The following SF3A2 variants were observed in gnomAD, a reference collection of about 807,000 sequenced individuals.
SF3A2 encodes SAP 62.
A neutral mutation model predicts 31.1 loss-of-function variants in SF3A2; 5 were observed. The ratio of observed to expected loss-of-function variants is 0.16; its 90% CI spans 0.08 to 0.34. The LOEUF (loss-of-function observed/expected upper bound fraction) is 0.34. Ranked by LOEUF, SF3A2 falls within the 10% of genes least tolerant of loss-of-function variation. SF3A2 has a pLI of 1.00. For synonymous variants in SF3A2, 365 were observed against 263.7 expected, an observed-to-expected ratio of 1.38 and a Z score of -3.72; for missense variants, 577 against 643.9, an observed-to-expected ratio of 0.90 and a Z score of 1.13.
At chr19:2,244,459 A>G (rs2024915389) in intron 2 of SF3A2, 85 bp from the exon 3 acceptor site, 1 of 1,074,436 alleles carries the variant, frequency 9.3e-7, no homozygotes, top group Non-Finnish European at 1.4e-6. Flanking sequence ...CCATGCCTCT[A>G]CAGAAAGGGG....
rs550468471 is a variant in SF3A2, at chr19:2,244,019, G to T, written c.126+475G>T. Reference sequence around the variant, plus strand: ...TTCCAGATGAGGTCATGGGTAGAGGGGGTGCCACAGCCGCAGATGGTGGAG... The same window carrying T: ...TTCCAGATGAGGTCATGGGTAGAGGTGGTGCCACAGCCGCAGATGGTGGAG... On this transcript the variant is annotated intron_variant, in intron 2 of 8. Coordinates refer to ENST00000221494, the MANE Select transcript of SF3A2 (RefSeq NM_007165.5). Among the ~76,000 whole-genome samples the T allele has an allele frequency of 2.6e-5, 4 of 152,350 alleles. No individual in the cohort carries two copies. The South Asian group carries it at 6.2e-4, about 24-fold the overall frequency.
intron 1 of SF3A2, among the ~76,000 whole-genome samples, chr19:2,241,308 C>T (rs1272148961): frequency 6.6e-6 from 1 of 152,108 alleles, no homozygotes; most frequent in Non-Finnish European, 1.5e-5. Flanking sequence ...ACACGTTCCC[C>T]CGAGCGAGGG....
At chr19:2,241,113 A>C (rs1030295577) in intron 1 of SF3A2, among the ~76,000 whole-genome samples, 2 of 152,204 alleles carry the variant, frequency 1.3e-5, no homozygotes, top group African/African-American at 4.8e-5. Flanking sequence ...AGGCCACGAC[A>C]GGGACAAGCA....
intron 1 of SF3A2, among the ~76,000 whole-genome samples, chr19:2,239,908 T>C (rs73516539): frequency 6.6e-6 from 1 of 152,158 alleles, no homozygotes; most frequent in African/African-American, 2.4e-5. Flanking sequence ...GTTCTGGGTT[T>C]GTGGTGCAGT....
chr19:2,244,504 G>T, intron 2 of SF3A2, 40 bp from the exon 3 acceptor site: 1 of 1,557,114 alleles, frequency 6.4e-7, no homozygotes, highest in Non-Finnish European at 8.8e-7. Flanking sequence ...GCAGCAGGCC[G>T]CGATCTTCTG....
At chr19:2,241,298 A>G (rs1599651451) in intron 1 of SF3A2, among the ~76,000 whole-genome samples, 1 of 151,960 alleles carries the variant, frequency 6.6e-6, no homozygotes, top group Non-Finnish European at 1.5e-5. Flanking sequence ...CTGCCTTCTC[A>G]CACGTTCCCC....
intron 1 of SF3A2, among the ~76,000 whole-genome samples, chr19:2,241,986 A>G (rs2024893652): frequency 6.6e-6 from 1 of 152,172 alleles, no homozygotes; most frequent in South Asian, 2.1e-4. Flanking sequence ...CCAGGGAATA[A>G]AAACTGGTTG....
chr19:2,239,054 A>C (rs1298557095), intron 1 of SF3A2, among the ~76,000 whole-genome samples: 2 of 152,212 alleles, frequency 1.3e-5, no homozygotes, highest in East Asian at 3.8e-4. Context: ...GTGGGGTATA[A>C]AAATCTAGAT....
chr19:2,238,924 C>G (rs538551013), intron 1 of SF3A2, among the ~76,000 whole-genome samples: 1 of 152,312 alleles, frequency 6.6e-6, no homozygotes, highest in Non-Finnish European at 1.5e-5. Flanking sequence ...TCTTTCCCTT[C>G]ATGCTGTCCG....
intron 1 of SF3A2, 71 bp from the exon 2 acceptor site, chr19:2,243,311 C>T (rs368332590): frequency 1.5e-4 from 193 of 1,308,720 alleles, no homozygotes; most frequent in Non-Finnish European, 1.6e-4. Context: ...CAGCCCAGCC[C>T]GCCCAGGGAG....
Position 2,248,232 on chromosome 19 carries a change from GC to G in SF3A2, c.1085del (p.Pro362GlnfsTer84). The G allele has an allele frequency of 7.5e-7, 1 of 1,340,122 alleles. No individual in the cohort carries two copies. The allele number at this position is 1,340,122 out of a possible 1,614,324, so 83.0% of individuals were successfully genotyped here. On this transcript the variant is annotated frameshift_variant, in exon 9 of 9. Coordinates refer to ENST00000221494, the MANE Select transcript of SF3A2 (RefSeq NM_007165.5). LOFTEE classifies it low-confidence loss of function (END_TRUNC). ...HPPAPGVHPP[A>X]PGVHPPPSAG... ...ACCAGCCCCTGGGGTTCACCCACCAGCCCCAGGGGTCCATCCTCCCCCATCA... is the reference window on the plus strand; with the variant it reads ...ACCAGCCCCTGGGGTTCACCCACCAGCCCAGGGGTCCATCCTCCCCCATCA...
rs2024925083 is a variant in SF3A2 at position 2,245,615 on chromosome 19, AG to A, written c.355+61del. On this transcript the variant is annotated intron_variant, in intron 5 of 8. Coordinates refer to ENST00000221494, the MANE Select transcript of SF3A2 (RefSeq NM_007165.5). This position sits in a 1 kb window ranked among gnomAD's most constrained non-coding sequence, Gnocchi z 4.2. ...CTGCCGTGACATAAGTGTGTTCTTT[AG>A]TCTCCAGTGCGGGAGGTGCAGCCCT... The A allele has an allele frequency of 7.9e-7, 1 of 1,259,436 alleles. No individual in the cohort carries two copies. Among genetic ancestry groups the A allele is most frequent in the Non-Finnish European group, 1.1e-6 (1 of 881,240 alleles). The allele number at this position is 1,259,436 out of a possible 1,614,324, so 78.0% of individuals were successfully genotyped here.
At chr19:2,237,903 C>T (rs907985530) in intron 1 of SF3A2, 2 of 152,318 alleles carry the variant, frequency 1.3e-5, no homozygotes, top group South Asian at 2.1e-4. Flanking sequence ...AGGTTGTTGG[C>T]TAGGTTAAGG....
At chr19:2,243,310 C>T in intron 1 of SF3A2, 72 bp from the exon 2 acceptor site, 1 of 1,304,262 alleles carries the variant, frequency 7.7e-7, no homozygotes, top group South Asian at 1.6e-5. Flanking sequence ...CCAGCCCAGC[C>T]CGCCCAGGGA....
intron 1 of SF3A2, among the ~76,000 whole-genome samples, chr19:2,238,720 C>T (rs78481493): frequency 1.3e-5 from 2 of 152,214 alleles, no homozygotes; most frequent in Non-Finnish European, 2.9e-5. Flanking sequence ...AAGCTCCCAC[C>T]TCTCACACAC....
chr19:2,238,478 C>T (rs2024858960), intron 1 of SF3A2, among the ~76,000 whole-genome samples: 1 of 152,222 alleles, frequency 6.6e-6, no homozygotes, highest in Non-Finnish European at 1.5e-5. Flanking sequence ...TTCTCCCTCC[C>T]ATCCACCCAC....
At chr19:2,240,807 G>A (rs1424318799) in intron 1 of SF3A2, among the ~76,000 whole-genome samples, 1 of 152,242 alleles carries the variant, frequency 6.6e-6, no homozygotes, top group East Asian at 1.9e-4. Flanking sequence ...GGAAATAAGT[G>A]CATCAAGATA....
At position 2,246,970 on chromosome 19, in the gene SF3A2, G is replaced by T; in HGVS notation, c.494G>T (p.Arg165Leu). The change falls in exon 7 of 9, where the codon CGC becomes CTC. Residue 165 changes from arginine (R) to leucine (L), a missense_variant. Around this residue, in one of 6 missense-constraint regions of SF3A2, gnomAD observed 37 missense variants for 85.0 expected, o/e 0.44. Transcript: ENST00000221494. This position sits in a 1 kb window ranked among gnomAD's most constrained non-coding sequence, Gnocchi z 5.5. ...CAGAGGATCGAGCCTCCGGACCGGCGCTGGCAGTACCTGCTCATGGCCGCC... is the reference window on the plus strand; with the variant it reads ...CAGAGGATCGAGCCTCCGGACCGGCTCTGGCAGTACCTGCTCATGGCCGCC... ...YEQRIEPPDRRWQYLLMAAEP... is the reference protein window; with the variant it reads ...YEQRIEPPDRLWQYLLMAAEP... The T allele has an allele frequency of 6.2e-7, 1 of 1,607,544 alleles. No homozygotes were observed. The highest frequency in any genetic ancestry group is 8.5e-7 in the Non-Finnish European group (1 of 1,178,724).
Position 2,245,697 on chromosome 19 carries a change from C to T in SF3A2, c.355+142C>T. The T allele has an allele frequency of 3.0e-6, 2 of 664,440 alleles. No homozygotes were observed. The highest frequency in any genetic ancestry group is 3.6e-5 in the African/African-American group (2 of 56,256). The allele number at this position is 664,440 out of a possible 1,614,324, so 41.2% of individuals were successfully genotyped here. ...GGCCTTGGTGGCCGTCCCTCACCCACCTGCAGCCTCTGGCGTTGTGTCTGG... is the reference window on the plus strand; with the variant it reads ...GGCCTTGGTGGCCGTCCCTCACCCATCTGCAGCCTCTGGCGTTGTGTCTGG... On this transcript the variant is annotated intron_variant, in intron 5 of 8. Coordinates refer to ENST00000221494, the MANE Select transcript of SF3A2 (RefSeq NM_007165.5). The surrounding 1 kb of genome is among the most constrained non-coding windows in gnomAD (Gnocchi z 4.2).
Sources: allele counts gnomAD v4.1 joint callset (sites outside exome capture counted in the v4.1 genomes callset), GRCh38; gene constraint gnomAD v4.1.1; regional missense constraint gnomAD v4.1.1; non-coding constraint Gnocchi (gnomAD v3.1); transcripts MANE v1.5; gene names NCBI Gene and HGNC (gene_info 2026-07-23, HGNC 2026-07-21).